Variants in FSIP2 observed in about 807,000 individuals in gnomAD.
FSIP2 encodes the protein fibrous sheath interacting protein 2, also known as fibrous sheath-interacting protein 2.
FSIP2 carries 367 observed loss-of-function variants against 510.5 expected under a neutral mutation model. The observed-to-expected ratio is 0.72, with a 90% CI of 0.66 to 0.78. The LOEUF (loss-of-function observed/expected upper bound fraction) is 0.78, where lower values mean the gene tolerates loss of function less well. FSIP2 is among the 30% of genes least tolerant of loss of function. The probability of loss-of-function intolerance (pLI) is 0.00; values close to 1 mark genes in which losing one functional copy is unlikely to be tolerated. For synonymous variants in FSIP2, 2,601 were observed against 2,732.2 expected, an observed-to-expected ratio of 0.95 and a Z score of 1.50; for missense variants, 7,594 against 7,901.7, an observed-to-expected ratio of 0.96 and a Z score of 1.48.
rs1469048758 is a variant in FSIP2 at position 185,794,468 on chromosome 2, T to A, written c.7332T>A (p.Phe2444Leu). 6.6e-7 allele frequency: 1 copy of A among 1,512,792 alleles called. No individual in the cohort carries two copies. The highest frequency in any genetic ancestry group is 8.8e-7 in the Non-Finnish European group (1 of 1,137,780). 93.7% of individuals were successfully genotyped at this position (1,512,792 alleles called of 1,614,324 possible). Reference protein sequence around the residue: ...EKERSTKQSLFTKYPLEQNQM... With the variant: ...EKERSTKQSLLTKYPLEQNQM... Reference sequence around the variant, plus strand: ...AAAGAAGTACCAAACAATCTCTATTTACAAAGTATCCATTAGAGCAAAACC... The same window carrying A: ...AAAGAAGTACCAAACAATCTCTATTAACAAAGTATCCATTAGAGCAAAACC... The change falls in exon 16 of 23, where the codon TTT (phenylalanine) becomes TTA (leucine). Residue 2444 changes from phenylalanine to leucine, a missense_variant. Coordinates refer to ENST00000424728, the MANE Select transcript of FSIP2 (RefSeq NM_173651.4).
In FSIP2 at chr2:185,799,716, G is replaced by A. The variant is rs978709081; in HGVS notation, c.10410G>A (p.Met3470Ile). The A allele has an allele frequency of 1.6e-5, 21 of 1,351,810 alleles. No individual in the cohort carries two copies. Among genetic ancestry groups the A allele is most frequent in the Admixed American group, 3.0e-5 (1 of 33,450 alleles). The allele number at this position is 1,351,810 out of a possible 1,614,324, so 83.7% of individuals were successfully genotyped here. ...TTTAAGTTTTTAGTGAGGAAAAGAT[G>A]TCTGTTTCTACATGGTCAAGGAAAA... The part of the protein sequence containing the change: ...FETTVFSEEK[M>I]SVSTWSRKKY... Residue 3470 changes from methionine to isoleucine, a missense_variant, in exon 17 of 23, where the codon ATG becomes ATA. Met to Ile is a conservative substitution (Grantham distance 10). Transcript: ENST00000424728.
In FSIP2 at chr2:185,800,940, A is replaced by G. The variant is rs750558288; in HGVS notation, c.11634A>G (p.Arg3878=). ...FANKHLNYRT[R]EIQSSFIKAR... ...ATAAGCATTTGAACTACAGAACAAG[A>G]GAAATACAGTCTAGTTTCATAAAAG... The change falls in exon 17 of 23, where the codon AGA becomes AGG. Residue 3878 remains arginine (R), a synonymous_variant. Coordinates refer to ENST00000424728, the MANE Select transcript of FSIP2 (RefSeq NM_173651.4). The G allele has an allele frequency of 3.9e-6, 6 of 1,531,008 alleles. No individual in the cohort carries two copies. The African/African-American group carries it at 8.2e-5, about 21-fold the overall frequency. 94.8% of individuals were successfully genotyped at this position (1,531,008 alleles called of 1,614,324 possible).
chr2:185,771,157 T>A (rs1260129258), intron 13 of FSIP2, among the ~76,000 whole-genome samples: 1 of 152,218 alleles, frequency 6.6e-6, no homozygotes, highest in East Asian at 1.9e-4. Context: ...TGCCTGCTGC[T>A]TTCCCATGCT....
At position 185,789,072 on chromosome 2, in the gene FSIP2, G is replaced by T; in HGVS notation, c.1936G>T (p.Asp646Tyr). 1 of 1,534,660 alleles carries T rather than the reference G, an allele frequency of 6.5e-7. No individual in the cohort carries two copies. The highest frequency in any genetic ancestry group is 8.7e-7 in the Non-Finnish European group (1 of 1,145,800). Residue 646 changes from aspartate to tyrosine, a missense_variant, in exon 16 of 23, where the codon GAT becomes TAT. By Grantham distance (160) the Asp-to-Tyr change is radical. Transcript: ENST00000424728. Reference protein sequence around the residue: ...SYPKLRSCKSDSHLLASFETG... With the variant: ...SYPKLRSCKSYSHLLASFETG... The stretch of plus-strand genomic sequence containing the variant: ...CCCTAAGCTCAGAAGTTGTAAATCA[G>T]ATAGTCACCTTTTAGCATCATTTGA...
rs764209324 is a variant in FSIP2, at chr2:185,791,197, C to T, written c.4061C>T (p.Ala1354Val). ...ACGAGTATTGATGATGACATTTTGGCGAGTCCATTATTAACCTGTATTTAT... is the reference window on the plus strand; with the variant it reads ...ACGAGTATTGATGATGACATTTTGGTGAGTCCATTATTAACCTGTATTTAT... The part of the protein sequence containing the change: ...LVTSIDDDIL[A>V]SPLLTCIYDM... Residue 1354 changes from alanine to valine, a missense_variant, in exon 16 of 23, where the codon GCG (alanine) becomes GTG (valine). Physicochemically the swap from Ala to Val is moderately conservative, Grantham distance 64. Coordinates refer to ENST00000424728, the MANE Select transcript of FSIP2 (RefSeq NM_173651.4). The T allele has an allele frequency of 6.8e-5, 105 of 1,533,614 alleles. No homozygotes were observed. Among genetic ancestry groups the T allele is most frequent in the East Asian group, 2.7e-4 (11 of 40,840 alleles).
chr2:185,792,206 A>G lies in FSIP2; in HGVS notation c.5070A>G (p.Val1690=). 1 of 1,532,594 alleles carries G rather than the reference A, an allele frequency of 6.5e-7. No homozygotes were observed. Among genetic ancestry groups the G allele is most frequent in the Non-Finnish European group, 8.7e-7 (1 of 1,144,706 alleles). 94.9% of individuals were successfully genotyped at this position (1,532,594 alleles called of 1,614,324 possible). The change falls in exon 16 of 23, where the codon GTA becomes GTG. Residue 1690 remains valine, a synonymous_variant. Coordinates refer to ENST00000424728, the MANE Select transcript of FSIP2 (RefSeq NM_173651.4). ...KYVVKLILDA[V]SSDMFNEMES... ...TAGTCAAGTTAATTTTAGATGCAGTATCTTCCGATATGTTTAATGAAATGG... is the reference window on the plus strand; with the variant it reads ...TAGTCAAGTTAATTTTAGATGCAGTGTCTTCCGATATGTTTAATGAAATGG...
chr2:185,813,669 T>C lies in FSIP2; in HGVS notation c.19952T>C (p.Val6651Ala), dbSNP rs1339413239. The C allele has an allele frequency of 3.1e-6, 5 of 1,609,258 alleles. No individual in the cohort carries two copies. The highest frequency in any genetic ancestry group is 4.2e-6 in the Non-Finnish European group (5 of 1,177,526). ...TTAGTAGCTCATGATATTGATCAAG[T>C]GTATTTGGAAAATTACATAAAAGAG... ...VRLVAHDIDQ[V>A]YLENYIKEER... Residue 6651 changes from valine to alanine, a missense_variant, in exon 18 of 23, where the codon GTG (valine) becomes GCG (alanine). Physicochemically the swap from Val to Ala is moderately conservative, Grantham distance 64 (BLOSUM62 0). Transcript: ENST00000424728.
chr2:185,787,267 C>G (rs750057148), intron 15 of FSIP2, among the ~76,000 whole-genome samples: 5 of 151,782 alleles, frequency 3.3e-5, no homozygotes, highest in Non-Finnish European at 7.4e-5. Context: ...TTTAATGCCA[C>G]TAACCCATTG....
rs761874935 is a variant in FSIP2 at position 185,797,051 on chromosome 2, T to C, written c.9915T>C (p.Tyr3305=). ...GKGENLRVFH[Y]ENLKPVVEPN... is the part of the protein sequence containing the mutation. ...GTGAAAATCTAAGAGTGTTTCATTA[T>C]GAGAACCTAAAACCAGTTGTTGAAC... The change falls in exon 16 of 23, where the codon TAT becomes TAC. Residue 3305 remains tyrosine (Y), a synonymous_variant. Transcript: ENST00000424728. 18 of 1,535,168 alleles carry C rather than the reference T, an allele frequency of 1.2e-5. No homozygotes were observed. The highest frequency in any genetic ancestry group is 1.6e-5 in the Non-Finnish European group (18 of 1,146,358).
chr2:185,759,508 GTATATAA>G (rs1017803462), intron 9 of FSIP2, among the ~76,000 whole-genome samples: 3 of 141,820 alleles, frequency 2.1e-5, no homozygotes, highest in African/African-American at 7.6e-5. Flanking sequence ...ATTATTTACA[GTATATAA>G]TATATAAGAT....
At position 185,800,360 on chromosome 2, in the gene FSIP2, G is replaced by T. The variant is rs890165267; in HGVS notation, c.11054G>T (p.Gly3685Val). ...GCATGTAAGTTAAACAGCCTGGTTG[G>T]TAACCTAAAAACAAGTGAATCCAAA... is the stretch of plus-strand genomic sequence containing the variant. ...YLACKLNSLVGNLKTSESKEV... is the reference protein window; with the variant it reads ...YLACKLNSLVVNLKTSESKEV... Residue 3685 changes from glycine to valine, a missense_variant, in exon 17 of 23, where the codon GGT becomes GTT. Coordinates refer to ENST00000424728, the MANE Select transcript of FSIP2 (RefSeq NM_173651.4). The T allele has an allele frequency of 5.2e-6, 8 of 1,528,784 alleles. No homozygotes were observed. In the African/African-American group the frequency reaches 9.7e-5, roughly 18 times the overall value. The allele number at this position is 1,528,784 out of a possible 1,614,324, so 94.7% of individuals were successfully genotyped here.
Position 185,796,282 on chromosome 2 carries a change from T to C in FSIP2, c.9146T>C (p.Phe3049Ser). Residue 3049 changes from phenylalanine (F) to serine (S), a missense_variant, in exon 16 of 23, where the codon TTT (phenylalanine) becomes TCT (serine). By Grantham distance (155) the Phe-to-Ser change is radical. Transcript: ENST00000424728. Reference protein sequence around the residue: ...MLPKLQPLKMFSDKSESNTIN... With the variant: ...MLPKLQPLKMSSDKSESNTIN... The stretch of plus-strand genomic sequence containing the variant: ...CCAAAATTACAACCACTGAAAATGT[T>C]TTCTGATAAATCCGAGTCAAATACT... 1.3e-6 allele frequency: 2 copies of C among 1,533,358 alleles called. No individual in the cohort carries two copies. Among genetic ancestry groups the C allele is most frequent in the South Asian group, 1.2e-5 (1 of 83,576 alleles). 95.0% of individuals were successfully genotyped at this position (1,533,358 alleles called of 1,614,324 possible). A position where few individuals can be genotyped will look rare whatever the true frequency, so the allele number is the denominator to read the frequency against.
intron 20 of FSIP2, among the ~76,000 whole-genome samples, chr2:185,826,111 G>T (rs976127000): frequency 6.6e-6 from 1 of 151,772 alleles, no homozygotes; most frequent in Admixed American, 6.6e-5. Flanking sequence ...TATAGCTTAG[G>T]TGTGTAGTAG....
In FSIP2 at chr2:185,809,148, A is replaced by G. The variant is rs1416591270; in HGVS notation, c.19827+15A>G. The G allele has an allele frequency of 1.1e-5, 17 of 1,524,406 alleles. No homozygotes were observed. The highest frequency in any genetic ancestry group is 1.5e-5 in the Non-Finnish European group (17 of 1,142,442). 94.4% of individuals were successfully genotyped at this position (1,524,406 alleles called of 1,614,324 possible). ...AACCCCTAGAGGTAAGTGCAAAAGC[A>G]ATGGCATGAAAATGAGTGAATAGTG... On this transcript the variant is annotated intron_variant, in intron 17 of 22. Coordinates refer to ENST00000424728, the MANE Select transcript of FSIP2 (RefSeq NM_173651.4).
intron 8 of FSIP2, among the ~76,000 whole-genome samples, chr2:185,755,724 A>C (rs1692234520): frequency 6.6e-6 from 1 of 151,526 alleles, no homozygotes; most frequent in South Asian, 2.1e-4. Flanking sequence ...TTGAGCACAC[A>C]TGCAGTGAGG....
At chr2:185,747,885 AC>A (rs1005690705) in intron 7 of FSIP2, among the ~76,000 whole-genome samples, 1 of 151,752 alleles carries the variant, frequency 6.6e-6, no homozygotes, top group Non-Finnish European at 1.5e-5. Flanking sequence ...ATACACATAC[AC>A]CCCCCAACAA....
chr2:185,738,481 T>C (rs1370041280), upstream of FSIP2: 5 of 876,734 alleles, frequency 5.7e-6, no homozygotes, highest in East Asian at 2.6e-5. Context: ...TGGGGGAAGA[T>C]GTAGAATGGG....
chr2:185,802,905 T>A lies in FSIP2; in HGVS notation c.13599T>A (p.Phe4533Leu). The change falls in exon 17 of 23, where the codon TTT becomes TTA. Residue 4533 changes from phenylalanine to leucine, a missense_variant. By Grantham distance (22) the Phe-to-Leu change is conservative. Transcript: ENST00000424728. ...RFSKEEEETK[F>L]IYSEDDIQHL... ...CAAAAGAGGAAGAAGAAACCAAGTTTATTTATTCAGAAGATGATATTCAGC... is the reference window on the plus strand; with the variant it reads ...CAAAAGAGGAAGAAGAAACCAAGTTAATTTATTCAGAAGATGATATTCAGC... 3 of 1,498,234 alleles carry A rather than the reference T, an allele frequency of 2.0e-6. No homozygotes were observed. Among genetic ancestry groups the A allele is most frequent in the Non-Finnish European group, 2.6e-6 (3 of 1,132,576 alleles). 92.8% of individuals were successfully genotyped at this position (1,498,234 alleles called of 1,614,324 possible).
chr2:185,765,735 A>G (rs1443061373), intron 13 of FSIP2: 1 of 151,970 alleles, frequency 6.6e-6, no homozygotes, highest in Non-Finnish European at 1.5e-5. Flanking sequence ...TACCTTGGGC[A>G]GTATGGCCAT....
Sources: allele counts gnomAD v4.1 joint callset (sites outside exome capture counted in the v4.1 genomes callset), GRCh38; gene constraint gnomAD v4.1.1; transcripts MANE v1.5; gene names NCBI Gene and HGNC (gene_info 2026-07-23, HGNC 2026-07-21).